Variants in P4HA3 observed in about 807,000 individuals in gnomAD.
The protein encoded by P4HA3 is prolyl 4-hydroxylase subunit alpha 3.
Under a neutral mutation model 66.7 loss-of-function variants are expected in P4HA3, and 60 were observed. The observed-to-expected ratio is 0.90, with a 90% confidence interval of 0.73 to 1.12. The LOEUF (loss-of-function observed/expected upper bound fraction) is 1.12, where lower values mean the gene tolerates loss of function less well. Ranked by LOEUF, P4HA3 falls within the 50% of genes most tolerant of loss-of-function variation. The pLI is 0.00. For synonymous variants in P4HA3, 263 were observed against 274.6 expected, an observed-to-expected ratio of 0.96 and a Z score of 0.42; for missense variants, 683 against 685.8, an observed-to-expected ratio of 1.00 and a Z score of 0.05.
chr11:74,261,297 T>C (rs886997094), intron 14 of P4HA3, among the ~76,000 whole-genome samples: 11 of 152,024 alleles, frequency 7.2e-5, no homozygotes, highest in African/African-American at 2.4e-4. Context: ...GCTGACTGGC[T>C]TGTGAGTATG....
downstream of P4HA3, among the ~76,000 whole-genome samples, chr11:74,262,507 G>A (rs904002020): frequency 2.0e-5 from 3 of 152,192 alleles, no homozygotes; most frequent in African/African-American, 7.2e-5. Context: ...TTAGGGGAAC[G>A]GGGAGACTTT....
chr11:74,289,135 TAAAAAAAAAAAAAAG>T lies in P4HA3; in HGVS notation c.718-20_718-6del. 3 of 1,377,808 alleles carry T rather than the reference TAAAAAAAAAAAAAAG, an allele frequency of 2.2e-6. No individual in the cohort carries two copies. The East Asian group carries it at 7.9e-5, about 36-fold the overall frequency. 85.3% of individuals were successfully genotyped at this position (1,377,808 alleles called of 1,614,324 possible). A position where few individuals can be genotyped will look rare whatever the true frequency, so the allele number is the denominator to read the frequency against. The stretch of plus-strand genomic sequence containing the variant: ...GGCACACGAAACATTTCCTGCCTGT[TAAAAAAAAAAAAAAG>T]AAAAGAAAGCATTAACTTCACTGAG... On this transcript the variant is annotated splice_polypyrimidine_tract_variant and splice_region_variant and intron_variant, in intron 4 of 12. Coordinates refer to ENST00000331597, the MANE Select transcript of P4HA3 (RefSeq NM_182904.5).
At chr11:74,269,745 G>A in intron 10 of P4HA3, 25 bp from the exon 11 acceptor site, 1 of 1,612,138 alleles carries the variant, frequency 6.2e-7, no homozygotes, top group Non-Finnish European at 8.5e-7. Context: ...GAAGAAGCCA[G>A]AGTTAAAACT....
At chr11:74,292,366 A>T (rs1297743907) in intron 4 of P4HA3, among the ~76,000 whole-genome samples, 2 of 152,056 alleles carry the variant, frequency 1.3e-5, no homozygotes, top group Non-Finnish European at 1.5e-5. Context: ...CTAGCGGTCT[A>T]TCAATTTTGT....
chr11:74,251,599 G>T, intron 15 of P4HA3: 2 of 1,600,028 alleles, frequency 1.2e-6, no homozygotes, highest in South Asian at 1.1e-5. Flanking sequence ...CCAAGGCTAA[G>T]CCCCATCACT....
At chr11:74,289,733 A>G (rs1165044506) in intron 4 of P4HA3, among the ~76,000 whole-genome samples, 1 of 151,420 alleles carries the variant, frequency 6.6e-6, no homozygotes, top group East Asian at 1.9e-4. Flanking sequence ...TCTGAGAATG[A>G]CGGTTTCCAG....
At chr11:74,279,325 C>T in intron 8 of P4HA3, 63 bp downstream of exon 8, 2 of 1,487,722 alleles carry the variant, frequency 1.3e-6, no homozygotes, top group Non-Finnish European at 1.9e-6. Flanking sequence ...TGCTGACTGG[C>T]AGTCAGCTAT....
At chr11:74,293,060 A>G (rs1861087774) in intron 4 of P4HA3, among the ~76,000 whole-genome samples, 1 of 151,658 alleles carries the variant, frequency 6.6e-6, no homozygotes, top group South Asian at 2.1e-4. Flanking sequence ...AAAGTCTCCC[A>G]TTATTATTGT....
In P4HA3 at chr11:74,266,937, G is replaced by A. The variant is rs1461750000; in HGVS notation, c.*311C>T. 7.6e-7 allele frequency: 1 copy of A among 1,319,722 alleles called. No homozygotes were observed. The allele number at this position is 1,319,722 out of a possible 1,614,324, so 81.8% of individuals were successfully genotyped here. A position where few individuals can be genotyped will look rare whatever the true frequency, so the allele number is the denominator to read the frequency against. ...GCCAAAAGACCCACTGATCGAACCT[G>A]AGACTGTTGAGATGTCCTGTTCCCA... On this transcript the variant is annotated 3_prime_UTR_variant, in exon 13 of 13. Transcript: ENST00000331597.
chr11:74,286,075 T>C lies in P4HA3; in HGVS notation c.934-90A>G, dbSNP rs573779905. 33 of 1,500,584 alleles carry C rather than the reference T, an allele frequency of 2.2e-5. No individual in the cohort carries two copies. In the African/African-American group the frequency reaches 3.9e-4, roughly 18 times the overall value. 93.0% of individuals were successfully genotyped at this position (1,500,584 alleles called of 1,614,324 possible). ...GAACTATGGCATAAAAAAATTGGAA[T>C]GCAAGAGATACAGAATGTGGTCACT... On this transcript the variant is annotated intron_variant, in intron 6 of 12. Coordinates refer to ENST00000331597, the MANE Select transcript of P4HA3 (RefSeq NM_182904.5).
At chr11:74,300,470 T>A (rs900920864) in intron 3 of P4HA3, among the ~76,000 whole-genome samples, 4 of 151,916 alleles carry the variant, frequency 2.6e-5, no homozygotes, top group Admixed American at 2.0e-4. Context: ...TATTAAAAAA[T>A]TAGCTGGATA....
intron 2 of P4HA3, among the ~76,000 whole-genome samples, chr11:74,303,597 T>C (rs1861484637): frequency 6.6e-6 from 1 of 151,478 alleles, no homozygotes; most frequent in Admixed American, 6.6e-5. Context: ...TTTTTTTTTT[T>C]TGAGACAAAG....
intron 1 of P4HA3, among the ~76,000 whole-genome samples, chr11:74,305,982 G>C (rs996167316): frequency 6.6e-6 from 1 of 152,092 alleles, no homozygotes; most frequent in African/African-American, 2.4e-5. Flanking sequence ...AATTTGGCCA[G>C]AGCAGGTTAG....
At chr11:74,268,523 C>A (rs1329375719) in intron 11 of P4HA3, among the ~76,000 whole-genome samples, 1 of 152,212 alleles carries the variant, frequency 6.6e-6, no homozygotes, top group African/African-American at 2.4e-5. Flanking sequence ...ATAAAACAGA[C>A]CTGAACAAGA....
chr11:74,289,116 C>T lies in P4HA3; in HGVS notation c.732G>A (p.Ser244=), dbSNP rs748310784. 2.5e-5 allele frequency: 39 copies of T among 1,566,602 alleles called. No homozygotes were observed. The Admixed American group carries it at 3.3e-4, about 13-fold the overall frequency. ...ACTCCCGAGAGAGGCTGAGGGCACA[C>T]GAAACATTTCCTGCCTGTTAAAAAA... ...AFAYFRAGNV[S]CALSLSREFL... is the part of the protein sequence containing the mutation. Residue 244 remains serine, a synonymous_variant, in exon 5 of 13, where the codon TCG becomes TCA. Coordinates refer to ENST00000331597, the MANE Select transcript of P4HA3 (RefSeq NM_182904.5).
intron 4 of P4HA3, among the ~76,000 whole-genome samples, chr11:74,293,525 C>G (rs1242673294): frequency 2.6e-5 from 4 of 152,178 alleles, no homozygotes; most frequent in African/African-American, 4.8e-5. Context: ...TTAGTTGATG[C>G]AGTTTCTTCA....
At chr11:74,310,315 C>CTTTT (rs1861696154) in intron 1 of P4HA3, among the ~76,000 whole-genome samples, 1 of 152,190 alleles carries the variant, frequency 6.6e-6, no homozygotes, top group Admixed American at 6.5e-5. Context: ...GTCTGACAAC[C>CTTTT]TTTTATGCCA....
intron 4 of P4HA3, among the ~76,000 whole-genome samples, chr11:74,294,180 G>T (rs1441199433): frequency 6.6e-6 from 1 of 151,892 alleles, no homozygotes; most frequent in East Asian, 1.9e-4. Flanking sequence ...TTCTCTCCTC[G>T]CTTCGTTTCA....
chr11:74,287,181 C>T, intron 5 of P4HA3: 5 of 1,274,008 alleles, frequency 3.9e-6, no homozygotes, highest in South Asian at 2.5e-5. Flanking sequence ...GGCCTGCTGG[C>T]CTCTTTGCAT....
Sources: allele counts gnomAD v4.1 joint callset (sites outside exome capture counted in the v4.1 genomes callset), GRCh38; gene constraint gnomAD v4.1.1; transcripts MANE v1.5; gene names NCBI Gene and HGNC (gene_info 2026-07-23, HGNC 2026-07-21).